Variants in DCAF6 observed in about 807,000 individuals in gnomAD.
The protein encoded by DCAF6 is DDB1- and CUL4-associated factor 6.
Under a neutral mutation model 125.1 loss-of-function variants are expected in DCAF6, and 54 were observed. The ratio of observed to expected loss-of-function variants is 0.43; its 90% confidence interval spans 0.35 to 0.54. The LOEUF (loss-of-function observed/expected upper bound fraction) is 0.54, where lower values mean the gene tolerates loss of function less well. Among genes scored for constraint, DCAF6 ranks in the 20% least tolerant of loss-of-function variants. The pLI, the probability that DCAF6 is intolerant of heterozygous loss-of-function variation, is 0.01. For missense variants in DCAF6, 934 were observed against 1,161.7 expected (o/e 0.80, Z 2.85); for synonymous variants, 371 against 390.4 (o/e 0.95, Z 0.58).
upstream of DCAF6, chr1:167,936,086 G>A (rs1557860200): frequency 1.8e-6 from 1 of 568,616 alleles, no homozygotes. Context: ...GCCCCCGGCA[G>A]GAGAGAGGGA....
At chr1:168,026,737 G>A (rs547138908) in intron 12 of DCAF6, among the ~76,000 whole-genome samples, 1 of 152,176 alleles carries the variant, frequency 6.6e-6, no homozygotes, top group East Asian at 1.9e-4. Context: ...TAAGTTTGAA[G>A]TGTCTTTGGA....
chr1:168,008,875 C>T (rs1273076607), intron 10 of DCAF6, among the ~76,000 whole-genome samples: 4 of 129,938 alleles, frequency 3.1e-5, no homozygotes, highest in Non-Finnish European at 4.9e-5. Flanking sequence ...CTCCACCCTG[C>T]CCCCACCCCC....
intron 5 of DCAF6, among the ~76,000 whole-genome samples, chr1:167,988,209 G>A (rs78153720): frequency 0.03 from 4,553 of 152,044 alleles, 236 homozygotes; most frequent in African/African-American, 0.1. Context: ...ATCTCAGGCC[G>A]GAGTGCAGTG....
intron 4 of DCAF6, among the ~76,000 whole-genome samples, chr1:167,983,667 A>G (rs1679529827): frequency 6.6e-6 from 1 of 152,198 alleles, no homozygotes; most frequent in South Asian, 2.1e-4. Context: ...TATGTGCATA[A>G]TTTCTAAATT....
intron 10 of DCAF6, among the ~76,000 whole-genome samples, chr1:168,009,468 T>TCCTC (rs1553232978): frequency 3.5e-5 from 5 of 143,500 alleles, no homozygotes; most frequent in Non-Finnish European, 7.7e-5. Context: ...CTCTCTTCCT[T>TCCTC]CCTCCCTCCC....
At chr1:168,073,167 C>T (rs12093872) in intron 21 of DCAF6, among the ~76,000 whole-genome samples, 4,395 of 151,718 alleles carry the variant, frequency 0.029, 219 homozygotes, top group African/African-American at 0.1. Context: ...TAGAGCGAGA[C>T]TCGGTCTCAA....
chr1:167,883,472 G>A, the DCAF6 span: 1 of 1,614,192 alleles, frequency 6.2e-7, no homozygotes, highest in Non-Finnish European at 8.5e-7. Flanking sequence ...ATTTGGCCTT[G>A]GAAGATCTTC....
intron 2 of DCAF6, among the ~76,000 whole-genome samples, chr1:167,959,856 AT>A (rs1343304662): frequency 6.6e-6 from 1 of 152,072 alleles, no homozygotes; most frequent in African/African-American, 2.4e-5. Flanking sequence ...GAAGTTTTTA[AT>A]TTTAATGAAG....
the DCAF6 span, among the ~76,000 whole-genome samples, chr1:167,911,980 A>T: frequency 6.6e-6 from 1 of 152,224 alleles, no homozygotes; most frequent in Non-Finnish European, 1.5e-5. Flanking sequence ...AGGCAGGGAG[A>T]TCTAAAATAA....
chr1:167,906,466 TA>T, the DCAF6 span, among the ~76,000 whole-genome samples: 1 of 151,802 alleles, frequency 6.6e-6, no homozygotes, highest in Non-Finnish European at 1.5e-5. Context: ...CTTCAGATAG[TA>T]AATTTGGTGC....
chr1:168,035,451 C>G (rs1439442602), intron 12 of DCAF6, among the ~76,000 whole-genome samples: 6 of 152,030 alleles, frequency 3.9e-5, no homozygotes, highest in African/African-American at 1.2e-4. Context: ...TGTCTCAAAA[C>G]AAAAACAAAA....
chr1:167,883,670 T>C, the DCAF6 span: 1 of 1,601,740 alleles, frequency 6.2e-7, no homozygotes, highest in Non-Finnish European at 8.6e-7. Context: ...TCCTTGGCAG[T>C]GGATCCCTCC....
At chr1:168,046,917 T>C (rs1417646538) in intron 16 of DCAF6, among the ~76,000 whole-genome samples, 2 of 152,098 alleles carry the variant, frequency 1.3e-5, no homozygotes, top group Admixed American at 1.3e-4. Flanking sequence ...AAATTAAATT[T>C]AAGTGCCCAG....
chr1:167,984,916 T>TA (rs369182275), intron 4 of DCAF6, among the ~76,000 whole-genome samples: 42 of 152,292 alleles, frequency 2.8e-4, no homozygotes, highest in Non-Finnish European at 4.7e-4. Context: ...TTATTGGACT[T>TA]ACAGTTCTGT....
At chr1:168,011,718 C>T (rs1430297721) in intron 10 of DCAF6, among the ~76,000 whole-genome samples, 1 of 152,150 alleles carries the variant, frequency 6.6e-6, no homozygotes, top group Non-Finnish European at 1.5e-5. Context: ...TAGCTCATGC[C>T]TGTAATCCCA....
intron 6 of DCAF6, 62 bp from the exon 7 acceptor site, chr1:167,993,155 ATTAAGAGTT>A: frequency 7.7e-7 from 1 of 1,301,892 alleles, no homozygotes; most frequent in African/African-American, 1.5e-5. Flanking sequence ...AATAATTCAG[ATTAAGAGTT>A]TTAAAAAATG....
chr1:167,873,464 A>G, the DCAF6 span, among the ~76,000 whole-genome samples: 2 of 152,186 alleles, frequency 1.3e-5, no homozygotes, highest in Non-Finnish European at 2.9e-5. Context: ...GCCTTGACAC[A>G]GTTAGGACCA....
Position 168,065,692 on chromosome 1 carries a change from C to T in DCAF6, c.2542C>T (p.Leu848=). ...GCACACTGCTGAGCATTTGATGCTT[C>T]TGGAAGCTGATAATCATGTGGTAAA... is the stretch of plus-strand genomic sequence containing the variant. ...DRHTAEHLML[L]EADNHVVNCL... Residue 848 remains leucine (L), a synonymous_variant, in exon 19 of 22, where the codon CTG becomes TTG. Transcript: ENST00000367840. 1 of 1,613,072 alleles carries T rather than the reference C, an allele frequency of 6.2e-7. No homozygotes were observed. Among genetic ancestry groups the T allele is most frequent in the East Asian group, 2.2e-5 (1 of 44,856 alleles).
rs140466531 is a variant in DCAF6, at chr1:168,065,743, C to T, written c.2593C>T (p.Pro865Ser). 7.8e-5 allele frequency: 125 copies of T among 1,609,010 alleles called. No homozygotes were observed. Among genetic ancestry groups the T allele is most frequent in the Non-Finnish European group, 1.0e-4 (119 of 1,177,372 alleles). Residue 865 changes from proline to serine, a missense_variant, in exon 19 of 22, where the codon CCA becomes TCA. Physicochemically the swap from Pro to Ser is moderately conservative, Grantham distance 74. This residue lies in a region of DCAF6 where 27 missense variants were observed against 85.1 expected (regional missense o/e 0.32). Coordinates refer to ENST00000367840, the MANE Select transcript of DCAF6 (RefSeq NM_001198956.2). ...VNCLQPHPFD[P>S]ILASSGIDYD... The stretch of plus-strand genomic sequence containing the variant: ...CTGCCTGCAGCCACATCCGTTTGAC[C>T]CAAGTAAGATATCTTTTCTAGGACG...
Sources: gnomAD v4.1 joint callset for allele counts (sites outside exome capture counted in the v4.1 genomes callset) on GRCh38, gnomAD v4.1.1 for gene constraint, gnomAD v4.1.1 regional missense constraint, MANE v1.5 for transcripts, NCBI Gene and HGNC (gene_info 2026-07-23, HGNC 2026-07-21) for gene names.